Variants in USP37 observed in about 807,000 individuals in gnomAD.
USP37 encodes the protein ubiquitin carboxyl-terminal hydrolase 37.
A neutral mutation model predicts 124.0 loss-of-function variants in USP37; 27 were observed. The observed-to-expected ratio is 0.22, with a 90% CI of 0.16 to 0.30. The LOEUF (loss-of-function observed/expected upper bound fraction) is 0.30, where lower values mean the gene tolerates loss of function less well. USP37 is among the 10% of genes least tolerant of loss of function. The probability of loss-of-function intolerance (pLI) is 1.00; values close to 1 mark genes in which losing one functional copy is unlikely to be tolerated. For missense variants in USP37, 889 were observed against 1,140.4 expected (o/e 0.78, Z 3.17); for synonymous variants, 365 against 388.0 (o/e 0.94, Z 0.70).
At chr2:218,542,479 T>C (rs1359322381) in intron 8 of USP37, among the ~76,000 whole-genome samples, 1 of 152,040 alleles carries the variant, frequency 6.6e-6, no homozygotes, top group Non-Finnish European at 1.5e-5. Context: ...TCTTAGTTAG[T>C]GTTCTGGATC....
At chr2:218,562,570 C>T (rs1021654350) in intron 2 of USP37, 103 bp downstream of exon 2, 2 of 394,184 alleles carry the variant, frequency 5.1e-6, no homozygotes, top group Non-Finnish European at 8.9e-6. Context: ...TAAAGTATGG[C>T]CAAAACACAA....
At chr2:218,472,529 T>C (rs1347624565) in intron 20 of USP37, among the ~76,000 whole-genome samples, 1 of 151,898 alleles carries the variant, frequency 6.6e-6, no homozygotes, top group Non-Finnish European at 1.5e-5. Flanking sequence ...AATGGTGCAA[T>C]ATCGGCTCAC....
chr2:218,460,181 C>T (rs1689932220), intron 22 of USP37, among the ~76,000 whole-genome samples: 1 of 150,854 alleles, frequency 6.6e-6, no homozygotes, highest in Non-Finnish European at 1.5e-5. Flanking sequence ...TTTCTTGAAC[C>T]CAGGAGGCAG....
intron 10 of USP37, among the ~76,000 whole-genome samples, chr2:218,527,214 TGCAGGTAACAGTAAA>T (rs1190529997): frequency 1.3e-5 from 2 of 152,218 alleles, no homozygotes; most frequent in African/African-American, 4.8e-5. Context: ...TCTGGCCCCA[TGCAGGTAACAGTAAA>T]GCAGAGGCTA....
chr2:218,523,658 T>A (rs1242246563), intron 10 of USP37, among the ~76,000 whole-genome samples: 2 of 152,092 alleles, frequency 1.3e-5, no homozygotes, highest in Non-Finnish European at 2.9e-5. Context: ...GCTCAAGCTA[T>A]CCCCCTGCCT....
At position 218,546,275 on chromosome 2, in the gene USP37, A is replaced by G. The variant is rs757199168; in HGVS notation, c.626T>C (p.Ile209Thr). The G allele has an allele frequency of 6.2e-7, 1 of 1,613,094 alleles. No individual in the cohort carries two copies. The highest frequency in any genetic ancestry group is 8.5e-7 in the Non-Finnish European group (1 of 1,179,766). ...TTCATTCAATTCTGAGCCAGTTGAT[A>G]TCATTCTTTTCCTCTTTTCAGTACT... ...ENRTEKRKRM[I>T]STGSELNEDY... The change falls in exon 8 of 26, where the codon ATA becomes ACA. Residue 209 changes from isoleucine (I) to threonine (T), a missense_variant. Coordinates refer to ENST00000258399, the MANE Select transcript of USP37 (RefSeq NM_020935.3).
At chr2:218,458,796 G>A (rs1030051145) in intron 23 of USP37, among the ~76,000 whole-genome samples, 3 of 152,058 alleles carry the variant, frequency 2.0e-5, no homozygotes, top group Non-Finnish European at 4.4e-5. Flanking sequence ...CCTGGGTGTG[G>A]CAGTGTGTGC....
At chr2:218,476,157 A>G (rs1236958174) in intron 19 of USP37, among the ~76,000 whole-genome samples, 1 of 152,224 alleles carries the variant, frequency 6.6e-6, no homozygotes, top group African/African-American at 2.4e-5. Flanking sequence ...TTAGATCTTC[A>G]AAGTATTAAC....
chr2:218,550,402 T>C (rs1332765734), intron 5 of USP37, among the ~76,000 whole-genome samples: 7 of 151,086 alleles, frequency 4.6e-5, no homozygotes. Flanking sequence ...CAAGGTATTG[T>C]ATAAATATAA....
At chr2:218,493,106 GT>G (rs1303917560) in intron 14 of USP37, among the ~76,000 whole-genome samples, 2 of 151,712 alleles carry the variant, frequency 1.3e-5, no homozygotes, top group Non-Finnish European at 2.9e-5. Context: ...AACTGTAATG[GT>G]TTTTTTTAAA....
At chr2:218,546,095 C>T in intron 8 of USP37, 126 bp downstream of exon 8, 1 of 772,622 alleles carries the variant, frequency 1.3e-6, no homozygotes, top group Non-Finnish European at 2.0e-6. Context: ...AACTACTTTA[C>T]ATTCTGCTCT....
At position 218,529,952 on chromosome 2, in the gene USP37, A is replaced by G. The variant is rs1691220725; in HGVS notation, c.863+4T>C. The G allele has an allele frequency of 6.2e-7, 1 of 1,602,832 alleles. No individual in the cohort carries two copies. The highest frequency in any genetic ancestry group is 2.2e-5 in the East Asian group (1 of 44,810). On this transcript the variant is annotated splice_donor_region_variant and intron_variant, in intron 10 of 25. Coordinates refer to ENST00000258399, the MANE Select transcript of USP37 (RefSeq NM_020935.3). ...TTTTCACAAGTAATATAACCAATGC[A>G]TACCTGTCTAAGTTAGTGCCACCAG... is the stretch of plus-strand genomic sequence containing the variant.
intron 21 of USP37, among the ~76,000 whole-genome samples, chr2:218,464,287 T>C (rs954147971): frequency 6.6e-6 from 1 of 151,864 alleles, no homozygotes; most frequent in African/African-American, 2.4e-5. Flanking sequence ...AAGGCAGAAG[T>C]ACAGCAGTAG....
chr2:218,453,824 C>T lies in USP37; in HGVS notation c.*1106G>A, dbSNP rs1342563922. The T allele has an allele frequency of 1.3e-5, 2 of 152,186 alleles. No homozygotes were observed. The highest frequency in any genetic ancestry group is 2.4e-5 in the African/African-American group (1 of 41,442). 9.4% of individuals were successfully genotyped at this position (152,186 alleles called of 1,614,324 possible). A position where few individuals can be genotyped will look rare whatever the true frequency, so the allele number is the denominator to read the frequency against. On this transcript the variant is annotated 3_prime_UTR_variant, in exon 26 of 26. Coordinates refer to ENST00000258399, the MANE Select transcript of USP37 (RefSeq NM_020935.3). ...AAGCCAGACAGTAAATGGTTAAATG[C>T]CCAAGGTTTGTCCTACAGCTCAAGT...
chr2:218,518,465 A>G (rs1485594925), intron 10 of USP37, among the ~76,000 whole-genome samples: 1 of 152,206 alleles, frequency 6.6e-6, no homozygotes, highest in Non-Finnish European at 1.5e-5. Flanking sequence ...ACTGAACAGT[A>G]TTTAATCAAA....
At chr2:218,518,972 C>A (rs1690444827) in intron 10 of USP37, among the ~76,000 whole-genome samples, 1 of 152,092 alleles carries the variant, frequency 6.6e-6, no homozygotes, top group South Asian at 2.1e-4. Flanking sequence ...CAAAAGAAGC[C>A]CACAGATTTT....
Position 218,463,168 on chromosome 2 carries a change from C to G in USP37, c.2527+138G>C, listed in dbSNP as rs555415461. 1.5e-5 allele frequency: 13 copies of G among 846,050 alleles called. No individual in the cohort carries two copies. In the South Asian group the frequency reaches 2.2e-4, roughly 14 times the overall value. The allele number at this position is 846,050 out of a possible 1,614,324, so 52.4% of individuals were successfully genotyped here. A position where few individuals can be genotyped will look rare whatever the true frequency, so the allele number is the denominator to read the frequency against. ...GGTGACAGAGTGAGAGGCTCTCCCC[C>G]ACAATAAACACACACACACACACAC... On this transcript the variant is annotated intron_variant, in intron 22 of 25. Transcript: ENST00000258399.
intron 8 of USP37, among the ~76,000 whole-genome samples, chr2:218,541,656 C>T (rs989387348): frequency 1.3e-5 from 2 of 152,086 alleles, no homozygotes; most frequent in African/African-American, 4.8e-5. Flanking sequence ...AGACCACCTG[C>T]AGCAACACAC....
At chr2:218,466,540 T>G (rs1167355389) in intron 20 of USP37, among the ~76,000 whole-genome samples, 1 of 152,146 alleles carries the variant, frequency 6.6e-6, no homozygotes, top group Non-Finnish European at 1.5e-5. Context: ...TTGTTCTTGT[T>G]TGAGAACAAA....
Sources: gnomAD v4.1 joint callset for allele counts (sites outside exome capture counted in the v4.1 genomes callset) on GRCh38, gnomAD v4.1.1 for gene constraint, MANE v1.5 for transcripts, NCBI Gene and HGNC (gene_info 2026-07-23, HGNC 2026-07-21) for gene names.